The following FOCAD variants were observed in gnomAD, a reference collection of about 807,000 sequenced individuals.
The protein encoded by FOCAD is KIAA1797.
Under a neutral mutation model 225.6 loss-of-function variants are expected in FOCAD, and 198 were observed. That is an observed-to-expected ratio of 0.88 (90% CI 0.78 to 0.99). The LOEUF (loss-of-function observed/expected upper bound fraction) is 0.99, where lower values mean the gene tolerates loss of function less well. Ranked by LOEUF, FOCAD falls within the 50% of genes least tolerant of loss-of-function variation. The pLI is 0.00. For synonymous variants in FOCAD, 897 were observed against 755.0 expected (o/e 1.19, Z -3.08); for missense variants, 2,713 against 2,123.6 (o/e 1.28, Z -5.46).
Position 20,862,559 on chromosome 9 carries a change from T to C in FOCAD, c.1921-19T>C. The C allele has an allele frequency of 6.2e-7, 1 of 1,611,310 alleles. No homozygotes were observed. The highest frequency in any genetic ancestry group is 8.5e-7 in the Non-Finnish European group (1 of 1,178,686). On this transcript the variant is annotated intron_variant, in intron 15 of 43. Transcript: ENST00000338382. ...GTTGGAGTCTTGTTAGGTGTTGACC[T>C]TTTCTATTTGCTTCACAGGTTGTTT... is the stretch of plus-strand genomic sequence containing the variant.
At chr9:20,900,888 G>C (rs1049323698) in intron 21 of FOCAD, among the ~76,000 whole-genome samples, 11 of 151,840 alleles carry the variant, frequency 7.2e-5, no homozygotes, top group African/African-American at 2.7e-4. Context: ...ACAGTGGAGA[G>C]GTAGGAGAGA....
At chr9:20,798,189 G>A (rs1173966032) in intron 11 of FOCAD, among the ~76,000 whole-genome samples, 2 of 152,156 alleles carry the variant, frequency 1.3e-5, no homozygotes, top group Non-Finnish European at 2.9e-5. Flanking sequence ...GCATCCTAGG[G>A]ATGAAGCCCA....
chr9:20,801,927 C>T (rs748506690), intron 11 of FOCAD, among the ~76,000 whole-genome samples: 1 of 152,076 alleles, frequency 6.6e-6, no homozygotes, highest in Non-Finnish European at 1.5e-5. Flanking sequence ...GAGTGCAGTC[C>T]CTTTGTCTGT....
intron 10 of FOCAD, among the ~76,000 whole-genome samples, chr9:20,783,500 A>G (rs1441124219): frequency 2.6e-5 from 4 of 151,792 alleles, no homozygotes; most frequent in Admixed American, 2.0e-4. Context: ...ATGCTGTTTT[A>G]TGTCAGCTGC....
chr9:20,836,104 A>G (rs574772030), intron 15 of FOCAD, among the ~76,000 whole-genome samples: 1 of 152,160 alleles, frequency 6.6e-6, no homozygotes, highest in African/African-American at 2.4e-5. Flanking sequence ...CCCTTTGTCT[A>G]GGGGCTCCTT....
chr9:20,979,006 G>A (rs987188601), intron 37 of FOCAD, among the ~76,000 whole-genome samples: 5 of 152,240 alleles, frequency 3.3e-5, no homozygotes, highest in Admixed American at 6.5e-5. Flanking sequence ...AGAAAGCAAT[G>A]ACCGAGTCTG....
In FOCAD at chr9:20,847,207, G is replaced by GCTA. The variant is rs531341034; in HGVS notation, c.1921-15368_1921-15366dup. ...CCCAAAAGGAACTCTGCATTCCTTA[G>GCTA]CTACTGCCTTCCCAATCCTTCATCT... On this transcript the variant is annotated intron_variant, in intron 15 of 43. Coordinates refer to ENST00000338382, the MANE Select transcript of FOCAD (RefSeq NM_001375567.1). Among the ~76,000 whole-genome samples, 225 of 152,016 alleles carry GCTA rather than the reference G, an allele frequency of 1.5e-3. 3 individuals are homozygous for GCTA. The highest frequency in any genetic ancestry group is 0.013 in the Admixed American group (192 of 15,238).
At chr9:20,922,658 G>A (rs1487605572) in intron 24 of FOCAD, among the ~76,000 whole-genome samples, 23 of 152,184 alleles carry the variant, frequency 1.5e-4, no homozygotes, top group Admixed American at 1.5e-3. Context: ...CCTGAGGTAA[G>A]CAGGAAGTGG....
Position 20,953,234 on chromosome 9 carries a change from A to G in FOCAD, c.4132+169A>G, listed in dbSNP as rs10511693. 0.21 allele frequency among the ~76,000 whole-genome samples: 31,257 copies of G among 152,214 alleles called. 3,868 individuals are homozygous for G. The highest frequency in any genetic ancestry group is 0.33 in the South Asian group (1,569 of 4,816). ...ATAGAGATGACCAGCAGCTAGCTAC[A>G]ATAATTGGTACGTAAATATACACAT... On this transcript the variant is annotated intron_variant, in intron 35 of 43. Coordinates refer to ENST00000338382, the MANE Select transcript of FOCAD (RefSeq NM_001375567.1).
intron 18 of FOCAD, among the ~76,000 whole-genome samples, chr9:20,867,453 C>T (rs1478881421): frequency 6.6e-6 from 1 of 151,912 alleles, no homozygotes; most frequent in Non-Finnish European, 1.5e-5. Flanking sequence ...TAGGTAGCTC[C>T]AGAAAACTGG....
intron 8 of FOCAD, 136 bp from the exon 9 acceptor site, chr9:20,778,545 C>A (rs1313636954): frequency 1.8e-6 from 1 of 562,398 alleles, no homozygotes; most frequent in Non-Finnish European, 3.2e-6. Flanking sequence ...TAGTAGAGCA[C>A]ACTTGCTGTA....
At chr9:20,762,414 CTG>C (rs1829681292) in intron 6 of FOCAD, among the ~76,000 whole-genome samples, 1 of 152,176 alleles carries the variant, frequency 6.6e-6, no homozygotes, top group Admixed American at 6.5e-5. Flanking sequence ...TTTCTTCAGA[CTG>C]TGAGCTCTAT....
intron 8 of FOCAD, among the ~76,000 whole-genome samples, chr9:20,772,752 TG>T (rs1463254174): frequency 1.3e-5 from 2 of 152,006 alleles, no homozygotes; most frequent in Admixed American, 6.5e-5. Context: ...TAGATTTTGA[TG>T]GAAGTTGGGA....
At chr9:20,840,079 G>C (rs182823896) in intron 15 of FOCAD, among the ~76,000 whole-genome samples, 30 of 152,214 alleles carry the variant, frequency 2.0e-4, no homozygotes, top group African/African-American at 7.2e-4. Context: ...AATGTTATTT[G>C]AAGTCAGTAA....
At chr9:20,881,022 G>A (rs1830623868) in intron 19 of FOCAD, among the ~76,000 whole-genome samples, 7 of 152,156 alleles carry the variant, frequency 4.6e-5, no homozygotes, top group Admixed American at 4.6e-4. Flanking sequence ...TAAGTAAAAT[G>A]TCAAATGATA....
At chr9:20,700,171 C>T (rs1466394919) in intron 1 of FOCAD, among the ~76,000 whole-genome samples, 2 of 151,466 alleles carry the variant, frequency 1.3e-5, no homozygotes, top group African/African-American at 2.4e-5. Flanking sequence ...TTTAAAATTC[C>T]TTTTACCCCA....
chr9:20,914,143 A>T (rs1210969675), intron 23 of FOCAD, among the ~76,000 whole-genome samples: 5 of 152,114 alleles, frequency 3.3e-5, no homozygotes, highest in Admixed American at 2.6e-4. Context: ...AGTAACTAAT[A>T]AGCTACCTTG....
intron 15 of FOCAD, among the ~76,000 whole-genome samples, chr9:20,828,451 G>C (rs374961627): frequency 6.6e-6 from 1 of 151,904 alleles, no homozygotes; most frequent in East Asian, 1.9e-4. Flanking sequence ...TAGATCTCTA[G>C]GAGTGGGATT....
chr9:20,715,777 T>C (rs1266597129), intron 2 of FOCAD, among the ~76,000 whole-genome samples: 1 of 152,118 alleles, frequency 6.6e-6, no homozygotes, highest in Non-Finnish European at 1.5e-5. Context: ...TAAGAAGACA[T>C]ATCCTACCCC....
Sources: allele counts gnomAD v4.1 joint callset (sites outside exome capture counted in the v4.1 genomes callset), GRCh38; gene constraint gnomAD v4.1.1; transcripts MANE v1.5; gene names NCBI Gene and HGNC (gene_info 2026-07-23, HGNC 2026-07-21).